The following TAAR5 variants were observed in gnomAD, a reference collection of about 807,000 sequenced individuals.
TAAR5 encodes the protein trace amine associated receptor 5, also known as trace amine-associated receptor 5.
Under a neutral mutation model 21.1 loss-of-function variants are expected in TAAR5, and 27 were observed. The observed-to-expected ratio is 1.28, with a 90% CI of 0.94 to 1.76. TAAR5 has a LOEUF of 1.76. Ranked by LOEUF, TAAR5 falls within the 40% of genes most tolerant of loss-of-function variation. TAAR5 has a pLI of 0.00. For synonymous variants in TAAR5, 203 were observed against 167.5 expected (o/e 1.21, Z -1.64); for missense variants, 495 against 405.6 (o/e 1.22, Z -1.89).
the TAAR5 span, among the ~76,000 whole-genome samples, chr6:132,602,610 C>A: frequency 6.6e-6 from 1 of 152,014 alleles, no homozygotes; most frequent in African/African-American, 2.4e-5. Flanking sequence ...TAGCTCAGTT[C>A]CTAACAGTCC....
At chr6:132,605,554 C>T in the TAAR5 span, among the ~76,000 whole-genome samples, 3 of 152,120 alleles carry the variant, frequency 2.0e-5, no homozygotes, top group African/African-American at 4.8e-5. Flanking sequence ...GTACTGCTCC[C>T]TCCCCTCTTT....
chr6:132,609,207 T>C, the TAAR5 span: 1 of 352,372 alleles, frequency 2.8e-6, no homozygotes, highest in South Asian at 2.2e-5. Context: ...GAGCGGTTGG[T>C]GGGAGGACAG....
chr6:132,603,204 A>T, the TAAR5 span, among the ~76,000 whole-genome samples: 1 of 147,480 alleles, frequency 6.8e-6, no homozygotes, highest in Non-Finnish European at 1.5e-5. Flanking sequence ...TAGGAGGCTG[A>T]GGTGGTAGGA....
the TAAR5 span, chr6:132,594,883 A>G: frequency 2.0e-5 from 3 of 152,214 alleles, no homozygotes; most frequent in African/African-American, 7.2e-5. Context: ...TGTGCAATCA[A>G]TGGCTGCAAC....
the TAAR5 span, among the ~76,000 whole-genome samples, chr6:132,616,313 TA>T: frequency 1.3e-5 from 2 of 152,260 alleles, no homozygotes; most frequent in African/African-American, 4.8e-5. Flanking sequence ...CCTCTGTTAT[TA>T]AAAAATACAT....
In TAAR5 at chr6:132,589,039, G is replaced by A; in HGVS notation, c.648C>T (p.Ile216=). The change falls in exon 1 of 1, where the codon ATC becomes ATT. Residue 216 remains isoleucine (I), a synonymous_variant. Transcript: ENST00000258034. ...PLFFVPCLIM[I]SLYVKIFVVA... ...CCACAAAGATCTTCACATACAAGCT[G>A]ATCATAATGAGGCAGGGGACAAAGA... 2 of 1,614,010 alleles carry A rather than the reference G, an allele frequency of 1.2e-6. No individual in the cohort carries two copies. Among genetic ancestry groups the A allele is most frequent in the Non-Finnish European group, 1.7e-6 (2 of 1,179,974 alleles).
chr6:132,588,655 T>C lies in TAAR5; in HGVS notation c.*18A>G. 6.3e-7 allele frequency: 1 copy of C among 1,594,698 alleles called. No individual in the cohort carries two copies. Among genetic ancestry groups the C allele is most frequent in the Non-Finnish European group, 8.6e-7 (1 of 1,168,872 alleles). ...TTCCTGTGAGGTCCTACTCCTTGCC[T>C]GCATTTAGTAGAAGGAATCATTCTT... On this transcript the variant is annotated 3_prime_UTR_variant, in exon 1 of 1. Transcript: ENST00000258034.
chr6:132,608,312 T>C, the TAAR5 span: 31 of 454,092 alleles, frequency 6.8e-5, no homozygotes, highest in Non-Finnish European at 1.2e-4. Flanking sequence ...CCTGACACTA[T>C]GTACTTGAAT....
At chr6:132,592,777 A>T (rs1006314198), upstream of TAAR5, among the ~76,000 whole-genome samples, 3 of 152,134 alleles carry the variant, frequency 2.0e-5, no homozygotes, top group African/African-American at 7.2e-5. Flanking sequence ...CTTCCTGTAC[A>T]GCCTGCAGAA....
chr6:132,608,643 G>A, the TAAR5 span: 1 of 455,906 alleles, frequency 2.2e-6, no homozygotes, highest in East Asian at 6.9e-5. Flanking sequence ...TACCAACCAT[G>A]ATGGAGCCAG....
In TAAR5 at chr6:132,588,592, C is replaced by T; in HGVS notation, c.*81G>A. ...TGTCCTGGAAGCATGCCCACAAACT[C>T]AACACCACACAGCCCACGGTCACAG... On this transcript the variant is annotated 3_prime_UTR_variant, in exon 1 of 1. Coordinates refer to ENST00000258034, the MANE Select transcript of TAAR5 (RefSeq NM_003967.3). 6.7e-7 allele frequency: 1 copy of T among 1,484,438 alleles called. No individual in the cohort carries two copies. Among genetic ancestry groups the T allele is most frequent in the Non-Finnish European group, 9.1e-7 (1 of 1,098,052 alleles). 92.0% of individuals were successfully genotyped at this position (1,484,438 alleles called of 1,614,324 possible). A position where few individuals can be genotyped will look rare whatever the true frequency, so the allele number is the denominator to read the frequency against.
the TAAR5 span, among the ~76,000 whole-genome samples, chr6:132,610,307 C>A: frequency 2.0e-5 from 3 of 152,222 alleles, no homozygotes; most frequent in Non-Finnish European, 4.4e-5. Context: ...GCTTAGTGGG[C>A]CACAGAAAAG....
In TAAR5 at chr6:132,588,939, C is replaced by G. The variant is rs200042403; in HGVS notation, c.748G>C (p.Ala250Pro). The change falls in exon 1 of 1, where the codon GCT (alanine) becomes CCT (proline). Residue 250 changes from alanine (A) to proline (P), a missense_variant. Ala to Pro is a conservative substitution (Grantham distance 27). Transcript: ENST00000258034. ...LAGAAKHERKAAKTLGIAVGI... is the reference protein window; with the variant it reads ...LAGAAKHERKPAKTLGIAVGI... ...ACAGCAATGCCCAGGGTCTTGGCAG[C>G]TTTTCTCTCATGCTTGGCAGCCCCA... is the stretch of plus-strand genomic sequence containing the variant. The G allele has an allele frequency of 6.2e-7, 1 of 1,614,096 alleles. No individual in the cohort carries two copies. The highest frequency in any genetic ancestry group is 1.3e-5 in the African/African-American group (1 of 75,040).
At chr6:132,615,320 T>C in the TAAR5 span, among the ~76,000 whole-genome samples, 1 of 152,202 alleles carries the variant, frequency 6.6e-6, no homozygotes, top group Non-Finnish European at 1.5e-5. Flanking sequence ...GGAATAATTG[T>C]CTGAATCATA....
At chr6:132,606,477 A>G in the TAAR5 span, among the ~76,000 whole-genome samples, 1 of 152,172 alleles carries the variant, frequency 6.6e-6, no homozygotes, top group Non-Finnish European at 1.5e-5. Flanking sequence ...ACTATCAGGA[A>G]GAAGACACTT....
chr6:132,615,089 C>T, the TAAR5 span, among the ~76,000 whole-genome samples: 4 of 152,148 alleles, frequency 2.6e-5, no homozygotes, highest in Admixed American at 2.6e-4. Flanking sequence ...GTCTCCATCT[C>T]TTGACCTCAT....
chr6:132,611,019 C>A, the TAAR5 span, among the ~76,000 whole-genome samples: 1 of 152,094 alleles, frequency 6.6e-6, no homozygotes, highest in Non-Finnish European at 1.5e-5. Context: ...GGACTCAATG[C>A]GGAGATTCTA....
At chr6:132,601,095 G>GTGAAAGAA in the TAAR5 span, among the ~76,000 whole-genome samples, 1 of 67,690 alleles carries the variant, frequency 1.5e-5, no homozygotes, top group Non-Finnish European at 2.9e-5. Context: ...GAAGGAGGGA[G>GTGAAAGAA]GGAAGGAGGG....
the TAAR5 span, among the ~76,000 whole-genome samples, chr6:132,607,472 T>TG: frequency 6.6e-6 from 1 of 152,066 alleles, no homozygotes; most frequent in Non-Finnish European, 1.5e-5. Context: ...GAAATTTGTT[T>TG]GGGGGGTACC....
Sources: allele counts gnomAD v4.1 joint callset (sites outside exome capture counted in the v4.1 genomes callset), GRCh38; gene constraint gnomAD v4.1.1; transcripts MANE v1.5; gene names NCBI Gene and HGNC (gene_info 2026-07-23, HGNC 2026-07-21).